Variants in JAKMIP2 observed in about 807,000 individuals in gnomAD.
The protein encoded by JAKMIP2 is janus kinase and microtubule-interacting protein 2.
A neutral mutation model predicts 115.0 loss-of-function variants in JAKMIP2; 25 were observed. The ratio of observed to expected loss-of-function variants is 0.22; its 90% CI spans 0.16 to 0.30. The LOEUF (loss-of-function observed/expected upper bound fraction) is 0.30. Ranked by LOEUF, JAKMIP2 falls within the 10% of genes least tolerant of loss-of-function variation. The probability of loss-of-function intolerance (pLI) is 1.00; values close to 1 mark genes in which losing one functional copy is unlikely to be tolerated. For synonymous variants in JAKMIP2, 334 were observed against 343.6 expected (o/e 0.97, Z 0.31); for missense variants, 642 against 957.6 (o/e 0.67, Z 4.35).
At chr5:147,610,713 G>A (rs1417534437) in intron 20 of JAKMIP2, among the ~76,000 whole-genome samples, 2 of 152,210 alleles carry the variant, frequency 1.3e-5, no homozygotes, top group African/African-American at 2.4e-5. Context: ...TGAGCGCTAT[G>A]CTGGGAGATC....
Position 147,701,577 on chromosome 5 carries a change from T to A in JAKMIP2, c.-148-29623A>T, listed in dbSNP as rs573765576. The stretch of plus-strand genomic sequence containing the variant: ...GGCCTTTCAGCCAATATGTTTCAAC[T>A]AACATAGATGGCATACATTTAGGTC... On this transcript the variant is annotated intron_variant, in intron 1 of 21. Transcript: ENST00000616793. 7.2e-5 allele frequency among the ~76,000 whole-genome samples: 11 copies of A among 152,302 alleles called. No homozygotes were observed. In the South Asian group the frequency reaches 2.1e-3, roughly 29 times the overall value.
chr5:147,745,515 C>T (rs771468966), intron 1 of JAKMIP2, among the ~76,000 whole-genome samples: 1 of 152,140 alleles, frequency 6.6e-6, no homozygotes, highest in African/African-American at 2.4e-5. Context: ...GACAAAGATA[C>T]CCATCCTGCC....
chr5:147,674,810 C>A (rs183182685), intron 1 of JAKMIP2, among the ~76,000 whole-genome samples: 130 of 152,150 alleles, frequency 8.5e-4, no homozygotes, highest in African/African-American at 2.7e-3. Flanking sequence ...AATCTGAGAC[C>A]GGGAACCAAG....
At chr5:147,619,185 T>C (rs1335974843) in intron 18 of JAKMIP2, among the ~76,000 whole-genome samples, 1 of 152,154 alleles carries the variant, frequency 6.6e-6, no homozygotes, top group Non-Finnish European at 1.5e-5. Flanking sequence ...GTGAGAAATA[T>C]TTTCCTAGCT....
chr5:147,678,906 T>A (rs1668118958), intron 1 of JAKMIP2, among the ~76,000 whole-genome samples: 1 of 152,162 alleles, frequency 6.6e-6, no homozygotes, highest in Non-Finnish European at 1.5e-5. Flanking sequence ...TTGTATACTC[T>A]GTGCAGGAAA....
At chr5:147,643,860 A>G (rs1016055011) in intron 7 of JAKMIP2, among the ~76,000 whole-genome samples, 198 bp downstream of exon 7, 22 of 152,196 alleles carry the variant, frequency 1.4e-4, no homozygotes, top group Non-Finnish European at 2.5e-4. Flanking sequence ...ATTAGTTAAC[A>G]AAGGGTTATA....
intron 1 of JAKMIP2, among the ~76,000 whole-genome samples, chr5:147,770,424 T>C (rs1298278444): frequency 1.3e-5 from 2 of 152,108 alleles, no homozygotes; most frequent in East Asian, 3.9e-4. Flanking sequence ...CCAGGCTGTC[T>C]ACACAAAATA....
chr5:147,782,586 G>T lies in JAKMIP2; in HGVS notation c.-279C>A. 1.1e-6 allele frequency: 1 copy of T among 940,540 alleles called. No individual in the cohort carries two copies. The highest frequency in any genetic ancestry group is 1.7e-6 in the Non-Finnish European group (1 of 605,042). 58.3% of individuals were successfully genotyped at this position (940,540 alleles called of 1,614,324 possible). A position where few individuals can be genotyped will look rare whatever the true frequency, so the allele number is the denominator to read the frequency against. On this transcript the variant is annotated 5_prime_UTR_variant, in exon 1 of 22. Transcript: ENST00000616793. Reference sequence around the variant, plus strand: ...GGCTGCCGGTTTTTTTTTTCCCTCTGTCTCTGGTTGGCGATGGTGCGAATA... The same window carrying T: ...GGCTGCCGGTTTTTTTTTTCCCTCTTTCTCTGGTTGGCGATGGTGCGAATA...
intron 3 of JAKMIP2, among the ~76,000 whole-genome samples, chr5:147,652,445 C>A (rs1758448684): frequency 6.6e-6 from 1 of 152,104 alleles, no homozygotes; most frequent in Non-Finnish European, 1.5e-5. Context: ...TGAAAATCAA[C>A]CAAAGCCCTA....
chr5:147,773,481 C>T (rs1334877640), intron 1 of JAKMIP2, among the ~76,000 whole-genome samples: 1 of 152,080 alleles, frequency 6.6e-6, no homozygotes, highest in Admixed American at 6.6e-5. Flanking sequence ...AGTGAAAGTT[C>T]AGCAAGCAAA....
At chr5:147,764,748 T>A (rs1190911536) in intron 1 of JAKMIP2, among the ~76,000 whole-genome samples, 1 of 151,142 alleles carries the variant, frequency 6.6e-6, no homozygotes, top group Admixed American at 6.6e-5. Context: ...TAGCTGGGCA[T>A]GGTGGCACAC....
In JAKMIP2 at chr5:147,639,775, A is replaced by G. The variant is rs773138832; in HGVS notation, c.1402-15T>C. Reference sequence around the variant, plus strand: ...GCTGCTAAACTCTTGAGGTTAAGAAAAAAAGCCCCAAAACAATTGTGTTAT... The same window carrying G: ...GCTGCTAAACTCTTGAGGTTAAGAAGAAAAGCCCCAAAACAATTGTGTTAT... On this transcript the variant is annotated splice_polypyrimidine_tract_variant and intron_variant, in intron 9 of 21. Transcript: ENST00000616793. The G allele has an allele frequency of 1.2e-5, 20 of 1,608,894 alleles. No homozygotes were observed. The highest frequency in any genetic ancestry group is 2.7e-5 in the African/African-American group (2 of 74,538).
intron 1 of JAKMIP2, among the ~76,000 whole-genome samples, chr5:147,677,427 A>G (rs1330830323): frequency 6.6e-6 from 1 of 152,186 alleles, no homozygotes; most frequent in Non-Finnish European, 1.5e-5. Flanking sequence ...AGAGCCCTTT[A>G]TTTAGGAACT....
chr5:147,623,163 C>T (rs1581307974), intron 17 of JAKMIP2, among the ~76,000 whole-genome samples: 1 of 151,886 alleles, frequency 6.6e-6, no homozygotes, highest in South Asian at 2.1e-4. Flanking sequence ...ACACTTCCTG[C>T]CTTAACTTCC....
intron 1 of JAKMIP2, among the ~76,000 whole-genome samples, chr5:147,706,629 T>A (rs998616661): frequency 2.0e-5 from 3 of 152,182 alleles, no homozygotes; most frequent in Non-Finnish European, 4.4e-5. Context: ...CTACCATTTA[T>A]CCTAAAAATT....
In JAKMIP2 at chr5:147,687,476, C is replaced by G. The variant is rs188054618; in HGVS notation, c.-148-15522G>C. 2.1e-3 allele frequency among the ~76,000 whole-genome samples: 320 copies of G among 152,236 alleles called. 1 individual carries two copies. The highest frequency in any genetic ancestry group is 3.5e-3 in the Non-Finnish European group (235 of 68,014). Reference sequence around the variant, plus strand: ...AGAGTGTGTCTAACAGAAGGGATGGCTAAACTGAGTCTTGAAAGATGAGAG... The same window carrying G: ...AGAGTGTGTCTAACAGAAGGGATGGGTAAACTGAGTCTTGAAAGATGAGAG... On this transcript the variant is annotated intron_variant, in intron 1 of 21. Transcript: ENST00000616793.
chr5:147,739,406 C>G (rs1754055051), intron 1 of JAKMIP2, among the ~76,000 whole-genome samples: 1 of 152,060 alleles, frequency 6.6e-6, no homozygotes, highest in Non-Finnish European at 1.5e-5. Context: ...AGAAGTACCA[C>G]CTGGAAGAGG....
chr5:147,644,232 CTT>C, intron 6 of JAKMIP2, 34 bp from the exon 7 acceptor site: 1 of 1,477,620 alleles, frequency 6.8e-7, no homozygotes, highest in Non-Finnish European at 9.1e-7. Flanking sequence ...CAGGTGGAGA[CTT>C]TAAAAACCTC....
chr5:147,598,982 T>C (rs1368799224), intron 21 of JAKMIP2, among the ~76,000 whole-genome samples: 1 of 152,204 alleles, frequency 6.6e-6, no homozygotes, highest in Non-Finnish European at 1.5e-5. Flanking sequence ...TTTTATTCCC[T>C]AATATTATTT....
Sources: gnomAD v4.1 joint callset for allele counts (sites outside exome capture counted in the v4.1 genomes callset) on GRCh38, gnomAD v4.1.1 for gene constraint, MANE v1.5 for transcripts, NCBI Gene and HGNC (gene_info 2026-07-23, HGNC 2026-07-21) for gene names.